The following CNOT1 variants were observed in gnomAD, a reference collection of about 807,000 sequenced individuals.
CNOT1 encodes the protein CCR4-associated factor 1.
In CNOT1, 15 loss-of-function variants were observed where a neutral mutation model predicts 273.8. The observed-to-expected ratio is 0.05, with a 90% confidence interval of 0.04 to 0.08. The LOEUF (loss-of-function observed/expected upper bound fraction) is 0.08. Ranked by LOEUF, CNOT1 falls within the 10% of genes least tolerant of loss-of-function variation. CNOT1 has a pLI of 1.00. For synonymous variants in CNOT1, 1,022 were observed against 1,005.5 expected, an observed-to-expected ratio of 1.02 and a Z score of -0.31; for missense variants, 1,644 against 2,912.2, an observed-to-expected ratio of 0.56 and a Z score of 10.02.
chr16:58,580,667 G>T lies in CNOT1; in HGVS notation c.1309C>A (p.Pro437Thr). 1 of 1,613,102 alleles carries T rather than the reference G, an allele frequency of 6.2e-7. No individual in the cohort carries two copies. The highest frequency in any genetic ancestry group is 8.5e-7 in the Non-Finnish European group (1 of 1,179,594). Residue 437 changes from proline to threonine, a missense_variant, in exon 12 of 49, where the codon CCA becomes ACA. Pro to Thr is a conservative substitution (Grantham distance 38, BLOSUM62 -1). Around this residue, in one of 13 missense-constraint regions of CNOT1, gnomAD observed 706 missense variants for 1,021.2 expected, o/e 0.69. Coordinates refer to ENST00000317147, the MANE Select transcript of CNOT1 (RefSeq NM_016284.5). ...HTVATDILKAPPEDDNREIAT... is the reference protein window; with the variant it reads ...HTVATDILKATPEDDNREIAT... ...ATTTCTCGATTGTCATCCTCTGGTG[G>T]TGCTTTCAGAATATCAGTGGCAACA...
chr16:58,521,099 TC>T, intron 48 of CNOT1, 63 bp from the exon 49 acceptor site: 1 of 1,613,346 alleles, frequency 6.2e-7, no homozygotes, highest in South Asian at 1.1e-5. Flanking sequence ...ACCTTGCATC[TC>T]ATTCAGCTGA....
chr16:58,561,493 T>C (rs1018734381), intron 16 of CNOT1, among the ~76,000 whole-genome samples: 4 of 152,120 alleles, frequency 2.6e-5, no homozygotes, highest in Admixed American at 6.5e-5. Flanking sequence ...ACACCATGCA[T>C]AGTAATTACC....
intron 3 of CNOT1, 85 bp downstream of exon 3, chr16:58,588,714 A>G: frequency 6.7e-7 from 1 of 1,495,084 alleles, no homozygotes; most frequent in South Asian, 1.2e-5. Context: ...GCTATTTTGT[A>G]CGTGTCATAT....
intron 36 of CNOT1, 25 bp from the exon 37 acceptor site, chr16:58,538,291 T>G (rs763346169): frequency 2.1e-6 from 2 of 931,926 alleles, no homozygotes; most frequent in South Asian, 2.6e-5. Context: ...ATATCTTTAC[T>G]CATATAGGCT....
chr16:58,585,241 G>C, intron 8 of CNOT1, 97 bp downstream of exon 8: 2 of 1,537,252 alleles, frequency 1.3e-6, no homozygotes, highest in South Asian at 1.2e-5. Context: ...GAGAAGAAAA[G>C]ATGATTAACT....
At chr16:58,553,585 C>T (rs1036656895) in intron 22 of CNOT1, among the ~76,000 whole-genome samples, 197 bp downstream of exon 22, 1 of 151,920 alleles carries the variant, frequency 6.6e-6, no homozygotes, top group South Asian at 2.1e-4. Context: ...AAAGATAATC[C>T]AAGAATGATT....
chr16:58,523,816 G>T, intron 46 of CNOT1: 1 of 214,486 alleles, frequency 4.7e-6, no homozygotes, highest in South Asian at 1.1e-4. Flanking sequence ...TCTAAGTCTT[G>T]CTTAATAAAA....
chr16:58,529,840 C>CAAAAAAAAAAA (rs58854069), intron 43 of CNOT1, among the ~76,000 whole-genome samples: 1 of 69,370 alleles, frequency 1.4e-5, no homozygotes, highest in Admixed American at 1.9e-4. Context: ...GACTCTGTCT[C>CAAAAAAAAAAA]AAAAAAAAAA....
At chr16:58,559,743 C>T (rs550447768) in intron 17 of CNOT1, 29 of 476,552 alleles carry the variant, frequency 6.1e-5, no homozygotes, top group Non-Finnish European at 1.0e-4. Flanking sequence ...AAAATAGAAG[C>T]GCAATATGTT....
At chr16:58,577,326 A>G (rs1475522251) in intron 13 of CNOT1, among the ~76,000 whole-genome samples, 1 of 152,212 alleles carries the variant, frequency 6.6e-6, no homozygotes, top group African/African-American at 2.4e-5. Context: ...CCTCACAGCT[A>G]TGGTGAGAAA....
At chr16:58,618,319 C>T (rs2043169045) in intron 1 of CNOT1, among the ~76,000 whole-genome samples, 1 of 152,052 alleles carries the variant, frequency 6.6e-6, no homozygotes, top group Admixed American at 6.6e-5. Context: ...CACGGCAGCT[C>T]ACACCTGTAA....
chr16:58,540,510 G>A (rs1461939642), intron 34 of CNOT1, among the ~76,000 whole-genome samples: 1 of 152,200 alleles, frequency 6.6e-6, no homozygotes, highest in Non-Finnish European at 1.5e-5. Context: ...TTATGGTCAT[G>A]AAAGATGAGG....
chr16:58,543,384 G>C, intron 31 of CNOT1: 1 of 1,529,266 alleles, frequency 6.5e-7, no homozygotes, highest in African/African-American at 1.4e-5. Flanking sequence ...TCTACTATCT[G>C]TCAAACATCG....
Position 58,585,499 on chromosome 16 carries a change from G to A in CNOT1, c.645C>T (p.Pro215=). The stretch of plus-strand genomic sequence containing the variant: ...CGAGCACCACGGGACAGCGTTCTTG[G>A]GGAAAATCTGAGAGAGGAAAAAGGT... The part of the protein sequence containing the change: ...AFLKTLRRDF[P]QERCPVVLAP... The change falls in exon 8 of 49, where the codon CCC becomes CCT. Residue 215 remains proline, a synonymous_variant. Transcript: ENST00000317147. 2 of 1,610,764 alleles carry A rather than the reference G, an allele frequency of 1.2e-6. No individual in the cohort carries two copies. Among genetic ancestry groups the A allele is most frequent in the Non-Finnish European group, 1.7e-6 (2 of 1,179,394 alleles).
At chr16:58,612,839 C>G (rs1389555096) in intron 1 of CNOT1, among the ~76,000 whole-genome samples, 1 of 152,152 alleles carries the variant, frequency 6.6e-6, no homozygotes, top group African/African-American at 2.4e-5. Context: ...TTATTAAAAT[C>G]TTAGTTATAA....
At chr16:58,557,947 A>C (rs1242565737) in intron 18 of CNOT1, among the ~76,000 whole-genome samples, 1 of 152,070 alleles carries the variant, frequency 6.6e-6, no homozygotes, top group Admixed American at 6.5e-5. Flanking sequence ...CCAAGATCGT[A>C]CCACTGCACT....
chr16:58,562,536 G>C (rs918609196), intron 16 of CNOT1, among the ~76,000 whole-genome samples: 5 of 151,316 alleles, frequency 3.3e-5, no homozygotes, highest in Admixed American at 6.6e-5. Context: ...AAAGCGGCGG[G>C]GGGGCGGCCA....
intron 30 of CNOT1, among the ~76,000 whole-genome samples, chr16:58,544,760 G>A (rs906771057): frequency 1.1e-4 from 16 of 152,148 alleles, no homozygotes; most frequent in African/African-American, 3.9e-4. Flanking sequence ...ATTCTGTTAA[G>A]TAGAATAAAA....
chr16:58,597,500 G>A (rs1468937618), intron 2 of CNOT1: 4 of 192,404 alleles, frequency 2.1e-5, no homozygotes, highest in Non-Finnish European at 4.2e-5. Context: ...AAAGTAGGAA[G>A]ATCACTGAAT....
Sources: gnomAD v4.1 joint callset for allele counts (sites outside exome capture counted in the v4.1 genomes callset) on GRCh38, gnomAD v4.1.1 for gene constraint, gnomAD v4.1.1 regional missense constraint, MANE v1.5 for transcripts, NCBI Gene and HGNC (gene_info 2026-07-23, HGNC 2026-07-21) for gene names.